The following USP53 variants were observed in gnomAD, a reference collection of about 807,000 sequenced individuals.
USP53 encodes the protein ubiquitin specific peptidase 53.
In USP53, 71 loss-of-function variants were observed where a neutral mutation model predicts 94.9. The observed-to-expected ratio is 0.75, with a 90% CI of 0.62 to 0.91. The LOEUF (loss-of-function observed/expected upper bound fraction) is 0.91. Ranked by LOEUF, USP53 falls within the 40% of genes least tolerant of loss-of-function variation. The pLI is 0.00. For synonymous variants in USP53, 375 were observed against 422.7 expected (o/e 0.89, Z 1.39); for missense variants, 1,173 against 1,281.0 (o/e 0.92, Z 1.29).
chr4:119,273,586 G>GCAGT, intron 16 of USP53, 46 bp from the exon 17 acceptor site: 1 of 1,438,956 alleles, frequency 6.9e-7, no homozygotes, highest in Non-Finnish European at 9.7e-7. Context: ...CTAAACAAAG[G>GCAGT]CAGTCCATAA....
At chr4:119,245,462 C>G (rs1268035479) in intron 6 of USP53, 33 bp downstream of exon 6, 2 of 1,585,782 alleles carry the variant, frequency 1.3e-6, no homozygotes, top group African/African-American at 1.3e-5. Flanking sequence ...AAACTACTAT[C>G]AATTGTTCCT....
intron 3 of USP53, among the ~76,000 whole-genome samples, chr4:119,226,420 GCA>G (rs1362268239): frequency 2.1e-4 from 32 of 152,152 alleles, no homozygotes; most frequent in African/African-American, 6.0e-4. Flanking sequence ...AACTAAGGTT[GCA>G]GTTTTTATTG....
chr4:119,272,091 A>T (rs1751951188), intron 16 of USP53, 57 bp downstream of exon 16: 2 of 1,507,950 alleles, frequency 1.3e-6, no homozygotes, highest in Non-Finnish European at 1.8e-6. Flanking sequence ...TGTTAATTGC[A>T]TGAAGTAATT....
chr4:119,253,696 T>G (rs1749357276), intron 7 of USP53, among the ~76,000 whole-genome samples: 1 of 152,244 alleles, frequency 6.6e-6, no homozygotes, highest in Admixed American at 6.5e-5. Context: ...TGTCTTTTAA[T>G]TGGGGCCTTT....
chr4:119,264,502 C>G (rs1485598860), intron 12 of USP53, among the ~76,000 whole-genome samples: 1 of 152,116 alleles, frequency 6.6e-6, no homozygotes, highest in Non-Finnish European at 1.5e-5. Context: ...ATTGAAAGAA[C>G]TCTTAAAATC....
intron 16 of USP53, chr4:119,272,805 G>C (rs1030225953): frequency 5.3e-5 from 8 of 152,116 alleles, no homozygotes; most frequent in African/African-American, 1.9e-4. Flanking sequence ...TCTCATGGAA[G>C]AGATATTTTC....
At chr4:119,222,650 A>G (rs1251796315) in intron 3 of USP53, among the ~76,000 whole-genome samples, 2 of 152,154 alleles carry the variant, frequency 1.3e-5, no homozygotes, top group Non-Finnish European at 2.9e-5. Flanking sequence ...ATGGCTGAAT[A>G]ATATTCCATT....
rs762148965 is a variant in USP53, at chr4:119,292,420, A to G, written c.2431A>G (p.Ile811Val). 7 of 1,613,888 alleles carry G rather than the reference A, an allele frequency of 4.3e-6. No homozygotes were observed. The Admixed American group carries it at 1.0e-4, about 23-fold the overall frequency. Residue 811 changes from isoleucine to valine, a missense_variant, in exon 19 of 19, where the codon ATC (isoleucine) becomes GTC (valine). Physicochemically the swap from Ile to Val is conservative, Grantham distance 29. Transcript: ENST00000692078. ...CAAGGACCATAATGCAAGAGAACAT[A>G]TCCACCAGTCAGATGAACAGAAACT... ...IPKDHNAREH[I>V]HQSDEQKLEK...
chr4:119,235,583 C>A (rs1746627731), intron 4 of USP53, among the ~76,000 whole-genome samples, 172 bp downstream of exon 4: 1 of 152,060 alleles, frequency 6.6e-6, no homozygotes, highest in Non-Finnish European at 1.5e-5. Context: ...CAGCCATCAC[C>A]CAGAGTTTAA....
intron 3 of USP53, among the ~76,000 whole-genome samples, chr4:119,227,537 G>A (rs901131414): frequency 2.0e-5 from 3 of 152,194 alleles, no homozygotes; most frequent in Non-Finnish European, 4.4e-5. Context: ...AGCTGAGCCA[G>A]GAGAAGTGGC....
intron 12 of USP53, among the ~76,000 whole-genome samples, chr4:119,265,957 A>T (rs552768779): frequency 6.6e-6 from 1 of 152,200 alleles, no homozygotes; most frequent in South Asian, 2.1e-4. Context: ...GTATTTACCT[A>T]TGTAACTACC....
At chr4:119,227,332 A>G (rs1745430004) in intron 3 of USP53, among the ~76,000 whole-genome samples, 1 of 146,908 alleles carries the variant, frequency 6.8e-6, no homozygotes, top group African/African-American at 2.5e-5. Flanking sequence ...TAACCATAAG[A>G]GCCAAAACTT....
At chr4:119,260,463 T>G (rs200307833) in intron 10 of USP53, 44 bp from the exon 11 acceptor site, 121 of 1,570,086 alleles carry the variant, frequency 7.7e-5, no homozygotes, top group Middle Eastern at 5.0e-4. Flanking sequence ...GGCTGCCTGG[T>G]TTATCTGTTT....
In USP53 at chr4:119,292,811, A is replaced by T. The variant is rs1754912557; in HGVS notation, c.2822A>T (p.Glu941Val). Residue 941 changes from glutamate to valine, a missense_variant, in exon 19 of 19, where the codon GAA becomes GTA. By Grantham distance (121) the Glu-to-Val change is moderately radical (BLOSUM62 -2). Coordinates refer to ENST00000692078, the MANE Select transcript of USP53 (RefSeq NM_001371395.1). ...AGTGTGCCACAGTCAGAGAAAAGCG[A>T]ATCTACACCTGATGTCAAACTTACA... ...ITSVPQSEKS[E>V]STPDVKLTEV... 4 of 1,607,024 alleles carry T rather than the reference A, an allele frequency of 2.5e-6. No homozygotes were observed. The highest frequency in any genetic ancestry group is 1.1e-5 in the South Asian group (1 of 90,808).
chr4:119,282,752 G>T (rs1297695041), intron 17 of USP53, among the ~76,000 whole-genome samples: 3 of 151,818 alleles, frequency 2.0e-5, no homozygotes, highest in Admixed American at 6.6e-5. Flanking sequence ...GCTGTGCATG[G>T]TTTTTTCCCC....
rs1250780489 is a variant in USP53 at position 119,295,494 on chromosome 4, T to G, written c.*2283T>G. On this transcript the variant is annotated 3_prime_UTR_variant, in exon 19 of 19. Transcript: ENST00000692078. ...AATTTCTTCTAATTCAAAAAAATTTTAAGATAAACTGATTTTTAAGTTTAT... is the reference window on the plus strand; with the variant it reads ...AATTTCTTCTAATTCAAAAAAATTTGAAGATAAACTGATTTTTAAGTTTAT... 6.6e-5 allele frequency: 10 copies of G among 152,220 alleles called. No individual in the cohort carries two copies. The highest frequency in any genetic ancestry group is 4.6e-4 in the Admixed American group (7 of 15,274). 9.4% of individuals were successfully genotyped at this position (152,220 alleles called of 1,614,324 possible).
chr4:119,239,510 T>C lies in USP53; in HGVS notation c.-250T>C. The C allele has an allele frequency of 2.2e-6, 1 of 451,916 alleles. No individual in the cohort carries two copies. The highest frequency in any genetic ancestry group is 3.8e-6 in the Non-Finnish European group (1 of 260,114). 28.0% of individuals were successfully genotyped at this position (451,916 alleles called of 1,614,324 possible). On this transcript the variant is annotated 5_prime_UTR_variant, in exon 5 of 19. Coordinates refer to ENST00000692078, the MANE Select transcript of USP53 (RefSeq NM_001371395.1). ...CCATAAAATTTAACACATATAAACATCTTTAACGCCTTGTTTAAAATAGCT... is the reference window on the plus strand; with the variant it reads ...CCATAAAATTTAACACATATAAACACCTTTAACGCCTTGTTTAAAATAGCT...
intron 17 of USP53, 22 bp from the exon 18 acceptor site, chr4:119,291,143 T>TCG: frequency 1.3e-6 from 1 of 747,564 alleles, no homozygotes; most frequent in Non-Finnish European, 2.1e-6. Context: ...TCATCTCTTC[T>TCG]CCCCACCCCA....
chr4:119,260,111 A>C (rs1238330252), intron 10 of USP53, among the ~76,000 whole-genome samples, 186 bp downstream of exon 10: 3 of 152,198 alleles, frequency 2.0e-5, no homozygotes, highest in African/African-American at 7.2e-5. Context: ...AAAACTCCTA[A>C]GTTTGTGAAG....
Sources: allele counts gnomAD v4.1 joint callset (sites outside exome capture counted in the v4.1 genomes callset), GRCh38; gene constraint gnomAD v4.1.1; transcripts MANE v1.5; gene names NCBI Gene and HGNC (gene_info 2026-07-23, HGNC 2026-07-21).